Variants in USH2A observed in about 807,000 individuals in gnomAD.
USH2A encodes Usher syndrome 2A (autosomal recessive, mild).
USH2A carries 443 observed loss-of-function variants against 538.9 expected under a neutral mutation model. The ratio of observed to expected loss-of-function variants is 0.82; its 90% CI spans 0.76 to 0.89. The LOEUF (loss-of-function observed/expected upper bound fraction) is 0.89. USH2A is among the 40% of genes least tolerant of loss of function. The pLI is 0.00. For missense variants in USH2A, 6,633 were observed against 6,324.8 expected (o/e 1.05, Z -1.65); for synonymous variants, 2,413 against 2,273.5 (o/e 1.06, Z -1.75).
chr1:216,209,179 G>A (rs1050847539), intron 15 of USH2A, among the ~76,000 whole-genome samples: 1 of 152,198 alleles, frequency 6.6e-6, no homozygotes, highest in Non-Finnish European at 1.5e-5. Flanking sequence ...AATGGGGACA[G>A]AACTCAGGGA....
intron 9 of USH2A, among the ~76,000 whole-genome samples, chr1:216,306,267 C>T (rs1469005893): frequency 1.3e-5 from 2 of 151,916 alleles, no homozygotes; most frequent in East Asian, 3.9e-4. Context: ...TCTTCAAGCT[C>T]TGGTGTTCTT....
chr1:216,128,537 T>C (rs771133985), intron 21 of USH2A, among the ~76,000 whole-genome samples: 7 of 152,144 alleles, frequency 4.6e-5, no homozygotes, highest in Non-Finnish European at 7.4e-5. Context: ...TCTCTTCCTA[T>C]CTATCCTCGA....
chr1:215,677,568 T>C (rs1207111499), intron 62 of USH2A, among the ~76,000 whole-genome samples: 3 of 152,196 alleles, frequency 2.0e-5, no homozygotes. Flanking sequence ...AGTGACCTCC[T>C]CATTTCTATA....
In USH2A at chr1:215,680,229, A is replaced by T; in HGVS notation, c.12214T>A (p.Phe4072Ile). 1 of 1,614,094 alleles carries T rather than the reference A, an allele frequency of 6.2e-7. No individual in the cohort carries two copies. Among genetic ancestry groups the T allele is most frequent in the Non-Finnish European group, 8.5e-7 (1 of 1,180,006 alleles). ...CCATTCTCTTTCTGTTCTACTATAA[A>T]GTTTCTCAGTCCACTTGGGGAAGAT... ...LESSPSGLRN[F>I]IVEQKENGRA... Residue 4072 changes from phenylalanine (F) to isoleucine (I), a missense_variant, in exon 62 of 72, where the codon TTT becomes ATT. Physicochemically the swap from Phe to Ile is conservative, Grantham distance 21. Transcript: ENST00000307340.
At chr1:215,790,022 T>C in intron 51 of USH2A, 37 bp downstream of exon 51, 1 of 1,591,946 alleles carries the variant, frequency 6.3e-7, no homozygotes, top group Non-Finnish European at 8.6e-7. Context: ...CTTTCCATTG[T>C]CAAATCAGCG....
intron 37 of USH2A, among the ~76,000 whole-genome samples, chr1:215,948,514 G>T (rs1247029040): frequency 6.7e-6 from 1 of 150,164 alleles, no homozygotes; most frequent in Admixed American, 6.7e-5. Context: ...GTCATATATT[G>T]CAATCATAGA....
chr1:215,946,586 TC>T (rs1279796256), intron 37 of USH2A, among the ~76,000 whole-genome samples: 6 of 152,168 alleles, frequency 3.9e-5, no homozygotes, highest in Non-Finnish European at 8.8e-5. Flanking sequence ...GACAAAACAT[TC>T]CCAATAGTTT....
Position 215,912,499 on chromosome 1 carries a change from A to ATACG in USH2A, c.7301-11595_7301-11594insCGTA, listed in dbSNP as rs1665828260. ...TACGTATATATATATATGTGTATATATATATATATATACGTGTATATATAT... is the reference window on the plus strand; with the variant it reads ...TACGTATATATATATATGTGTATATATACGTATATATATATACGTGTATATATAT... On this transcript the variant is annotated intron_variant, in intron 38 of 71. Transcript: ENST00000307340. 4.2e-4 allele frequency among the ~76,000 whole-genome samples: 18 copies of ATACG among 43,248 alleles called. No homozygotes were observed. The East Asian group carries it at 5.1e-3, about 12-fold the overall frequency. The allele number at this position is 43,248 out of a possible 152,430, so 28.4% of individuals were successfully genotyped here. A position where few individuals can be genotyped will look rare whatever the true frequency, so the allele number is the denominator to read the frequency against.
intron 30 of USH2A, among the ~76,000 whole-genome samples, chr1:216,061,571 A>T (rs1196231881): frequency 6.6e-6 from 1 of 152,172 alleles, no homozygotes; most frequent in East Asian, 1.9e-4. Context: ...ATTACCTGAG[A>T]TAATTTAAAA....
rs80044093 is a variant in USH2A at position 215,885,610 on chromosome 1, T to C, written c.8223+2816A>G. Among the ~76,000 whole-genome samples, 1,053 of 152,354 alleles carry C rather than the reference T, an allele frequency of 6.9e-3. 6 individuals are homozygous for C. The highest frequency in any genetic ancestry group is 0.024 in the African/African-American group (986 of 41,580). On this transcript the variant is annotated intron_variant, in intron 41 of 71. Coordinates refer to ENST00000307340, the MANE Select transcript of USH2A (RefSeq NM_206933.4). ...TTGTAATCAAATAAGATTTTAAGCA[T>C]ATTATTTCATCTATGCTGCTGTGCT... is the stretch of plus-strand genomic sequence containing the variant.
chr1:215,939,649 C>T (rs1253152823), intron 37 of USH2A, among the ~76,000 whole-genome samples: 1 of 152,068 alleles, frequency 6.6e-6, no homozygotes, highest in African/African-American at 2.4e-5. Flanking sequence ...TAAATGATTG[C>T]TGTCTCGAGA....
intron 21 of USH2A, among the ~76,000 whole-genome samples, chr1:216,144,721 T>C (rs747073138): frequency 6.6e-6 from 1 of 152,178 alleles, no homozygotes; most frequent in African/African-American, 2.4e-5. Flanking sequence ...TTCACCAATC[T>C]TTCCTTGATT....
intron 15 of USH2A, among the ~76,000 whole-genome samples, chr1:216,215,221 T>G: frequency 6.6e-6 from 1 of 152,074 alleles, no homozygotes; most frequent in East Asian, 1.9e-4. Context: ...ATAATGAGGG[T>G]TATAATCCTG....
chr1:216,377,913 G>GAGAA (rs1300987521), intron 3 of USH2A, among the ~76,000 whole-genome samples: 1 of 151,530 alleles, frequency 6.6e-6, no homozygotes, highest in Non-Finnish European at 1.5e-5. Flanking sequence ...GAGAAAGAAA[G>GAGAA]AGAAAGAAAG....
chr1:215,681,234 T>TCTTTCCACA (rs1376413075), intron 61 of USH2A, among the ~76,000 whole-genome samples: 1 of 152,108 alleles, frequency 6.6e-6, no homozygotes, highest in East Asian at 1.9e-4. Context: ...CCTGGGGTGC[T>TCTTTCCACA]CTTTCCACAT....
chr1:215,951,933 C>T (rs1043690252), intron 37 of USH2A, among the ~76,000 whole-genome samples: 28 of 151,534 alleles, frequency 1.8e-4, no homozygotes, highest in African/African-American at 6.6e-4. Context: ...GGCGCAATCT[C>T]GGCTCACTGC....
chr1:216,003,214 T>C (rs544590971), intron 32 of USH2A, among the ~76,000 whole-genome samples: 10 of 152,152 alleles, frequency 6.6e-5, no homozygotes, highest in African/African-American at 2.2e-4. Flanking sequence ...TGAGCCAGGA[T>C]TGAAATAGAA....
At chr1:216,260,245 A>T (rs577628180) in intron 11 of USH2A, among the ~76,000 whole-genome samples, 21 of 152,208 alleles carry the variant, frequency 1.4e-4, no homozygotes, top group Non-Finnish European at 2.4e-4. Context: ...AAATAGAAAT[A>T]AATATTGACA....
rs777805479 is a variant in USH2A, at chr1:215,878,753, CCTT to C, written c.8558+8_8558+10del. 6.2e-7 allele frequency: 1 copy of C among 1,613,440 alleles called. No individual in the cohort carries two copies. The highest frequency in any genetic ancestry group is 8.5e-7 in the Non-Finnish European group (1 of 1,179,626). The stretch of plus-strand genomic sequence containing the variant: ...TACAGCAACATAAAAATCATAGTCA[CCTT>C]CTCTTACCTCAAATTAGGTCCATTT... On this transcript the variant is annotated splice_region_variant and intron_variant, in intron 42 of 71. Coordinates refer to ENST00000307340, the MANE Select transcript of USH2A (RefSeq NM_206933.4).
Sources: gnomAD v4.1 joint callset for allele counts (sites outside exome capture counted in the v4.1 genomes callset) on GRCh38, gnomAD v4.1.1 for gene constraint, MANE v1.5 for transcripts, NCBI Gene and HGNC (gene_info 2026-07-23, HGNC 2026-07-21) for gene names.